The following SRBD1 variants were observed in gnomAD, a reference collection of about 807,000 sequenced individuals.
SRBD1 encodes the protein S1 RNA binding domain 1, also known as S1 RNA-binding domain-containing protein 1.
A neutral mutation model predicts 115.3 loss-of-function variants in SRBD1; 88 were observed. The ratio of observed to expected loss-of-function variants is 0.76; its 90% CI spans 0.64 to 0.91. SRBD1 has a LOEUF of 0.91. Ranked by LOEUF, SRBD1 falls within the 40% of genes least tolerant of loss-of-function variation. The pLI is 0.00. For missense variants in SRBD1, 1,385 were observed against 1,177.4 expected (o/e 1.18, Z -2.58); for synonymous variants, 509 against 407.7 (o/e 1.25, Z -2.99).
intron 1 of SRBD1, among the ~76,000 whole-genome samples, chr2:45,606,637 CTATT>C (rs879737101): frequency 1.3e-5 from 2 of 152,110 alleles, no homozygotes; most frequent in African/African-American, 2.4e-5. Flanking sequence ...TGACTAAAAA[CTATT>C]TACCAAATTC....
intron 16 of SRBD1, among the ~76,000 whole-genome samples, chr2:45,439,919 G>A (rs1011597146): frequency 1.4e-4 from 21 of 152,104 alleles, no homozygotes; most frequent in Non-Finnish European, 1.0e-4. Context: ...GCTAGTGGCC[G>A]GGGTGCAAAA....
intron 19 of SRBD1, among the ~76,000 whole-genome samples, chr2:45,403,158 G>A (rs1483394668): frequency 6.6e-6 from 1 of 152,170 alleles, no homozygotes; most frequent in Non-Finnish European, 1.5e-5. Context: ...GCTCTGTGAA[G>A]GCAAATGGGA....
chr2:45,403,053 T>C (rs1329709995), intron 19 of SRBD1, among the ~76,000 whole-genome samples: 2 of 152,166 alleles, frequency 1.3e-5, no homozygotes, highest in Non-Finnish European at 2.9e-5. Context: ...CATGACAGTT[T>C]CTGGATGATG....
chr2:45,605,365 T>C lies in SRBD1; in HGVS notation c.77A>G (p.Glu26Gly). Reference protein sequence around the residue: ...VLKDEFSSFSELSSASEEDDK... With the variant: ...VLKDEFSSFSGLSSASEEDDK... ...CATATTAAACCAGTATGCTTACAAC[T>C]CAGAGAATGAAGAAAATTCATCTTT... The change falls in exon 2 of 21, where the codon GAG (glutamate) becomes GGG (glycine). Residue 26 changes from glutamate (E) to glycine (G), a missense_variant. Transcript: ENST00000263736. 1 of 1,613,170 alleles carries C rather than the reference T, an allele frequency of 6.2e-7. No individual in the cohort carries two copies. Among genetic ancestry groups the C allele is most frequent in the Non-Finnish European group, 8.5e-7 (1 of 1,179,768 alleles).
intron 4 of SRBD1, among the ~76,000 whole-genome samples, 184 bp from the exon 5 acceptor site, chr2:45,585,958 G>A (rs568736080): frequency 6.6e-6 from 1 of 152,166 alleles, no homozygotes; most frequent in African/African-American, 2.4e-5. Flanking sequence ...TGGTAAAATA[G>A]CCATTTCACA....
intron 19 of SRBD1, among the ~76,000 whole-genome samples, chr2:45,408,161 C>T (rs570293132): frequency 6.6e-6 from 1 of 152,158 alleles, no homozygotes; most frequent in South Asian, 2.1e-4. Flanking sequence ...GAAATCAAAC[C>T]AATGATGACC....
At position 45,574,730 on chromosome 2, in the gene SRBD1, G is replaced by C. The variant is rs1449903656; in HGVS notation, c.1073-7C>G. Reference sequence around the variant, plus strand: ...TCCTGAAGCGTTGAAAGCCCTTTAGGAGAAGGGTAAAAAGGAAAACAAAAA... The same window carrying C: ...TCCTGAAGCGTTGAAAGCCCTTTAGCAGAAGGGTAAAAAGGAAAACAAAAA... On this transcript the variant is annotated splice_region_variant and splice_polypyrimidine_tract_variant and intron_variant, in intron 7 of 20. Transcript: ENST00000263736. The C allele has an allele frequency of 6.2e-7, 1 of 1,602,652 alleles. No individual in the cohort carries two copies. The highest frequency in any genetic ancestry group is 8.5e-7 in the Non-Finnish European group (1 of 1,176,692).
In SRBD1 at chr2:45,599,514, C is replaced by G; in HGVS notation, c.583G>C (p.Val195Leu). ...KTETYPQGQP[V>L]KFPANANSTK... ...CTATTGGCATTTGCTGGAAACTTGA[C>G]AGGCTGCCCCTGAGGATATGTCTCA... Residue 195 changes from valine (V) to leucine (L), a missense_variant, in exon 4 of 21, where the codon GTC becomes CTC. Coordinates refer to ENST00000263736, the MANE Select transcript of SRBD1 (RefSeq NM_018079.5). 6.2e-7 allele frequency: 1 copy of G among 1,614,222 alleles called. No individual in the cohort carries two copies. Among genetic ancestry groups the G allele is most frequent in the East Asian group, 2.2e-5 (1 of 44,892 alleles).
intron 16 of SRBD1, among the ~76,000 whole-genome samples, chr2:45,421,505 TCAAACAAAAAAAAAAAA>T (rs1668000657): frequency 1.5e-4 from 7 of 46,298 alleles, no homozygotes; most frequent in Non-Finnish European, 1.6e-4. Flanking sequence ...AGACTCCGTC[TCAAACAAAAAAAAAAAA>T]AAAAAAAAAA....
intron 10 of SRBD1, among the ~76,000 whole-genome samples, chr2:45,554,108 T>C (rs10439468): frequency 0.52 from 78,902 of 151,968 alleles, 20,961 homozygotes; most frequent in African/African-American, 0.56. Flanking sequence ...AAGATGGGGC[T>C]TTTGGGGGAT....
chr2:45,440,234 T>TAA (rs59843955), intron 16 of SRBD1, among the ~76,000 whole-genome samples: 1 of 152,132 alleles, frequency 6.6e-6, no homozygotes, highest in African/African-American at 2.4e-5. Flanking sequence ...ATCATGAAAC[T>TAA]AAAAAAATGA....
At chr2:45,576,739 C>T (rs1441998380) in intron 7 of SRBD1, among the ~76,000 whole-genome samples, 3 of 152,108 alleles carry the variant, frequency 2.0e-5, no homozygotes, top group African/African-American at 7.2e-5. Context: ...TTCCAAGTAT[C>T]CCAGAGCATC....
intron 19 of SRBD1, among the ~76,000 whole-genome samples, chr2:45,397,245 C>T (rs1213115669): frequency 6.6e-6 from 1 of 152,136 alleles, no homozygotes; most frequent in Non-Finnish European, 1.5e-5. Context: ...AACTGTGGGA[C>T]ATAAATGCAA....
At chr2:45,540,815 G>C (rs1426359706) in intron 14 of SRBD1, among the ~76,000 whole-genome samples, 1 of 152,174 alleles carries the variant, frequency 6.6e-6, no homozygotes, top group Admixed American at 6.5e-5. Context: ...ACCACAATGA[G>C]ATATCACTAC....
At chr2:45,481,448 T>A (rs1669960759) in intron 15 of SRBD1, among the ~76,000 whole-genome samples, 1 of 151,706 alleles carries the variant, frequency 6.6e-6, no homozygotes, top group Non-Finnish European at 1.5e-5. Context: ...AGAGGAAGAG[T>A]TATGGCCCAA....
Position 45,601,998 on chromosome 2 carries a change from G to C in SRBD1, c.166C>G (p.Pro56Ala). ...ATCCTCTTTGGTTTGGATTCCTTGG[G>C]AGGGGGCTGTTTACGGCTTCTGGGA... ...KVPRSRKQPP[P>A]KESKPKRMPR... The change falls in exon 3 of 21, where the codon CCC becomes GCC. Residue 56 changes from proline to alanine, a missense_variant. Pro to Ala is a conservative substitution (Grantham distance 27). Transcript: ENST00000263736. 6.2e-7 allele frequency: 1 copy of C among 1,614,224 alleles called. No homozygotes were observed. The highest frequency in any genetic ancestry group is 8.5e-7 in the Non-Finnish European group (1 of 1,180,034).
intron 14 of SRBD1, among the ~76,000 whole-genome samples, chr2:45,495,685 G>C (rs1234514537): frequency 6.6e-6 from 1 of 152,164 alleles, no homozygotes. Context: ...CTAGGCAAGA[G>C]GCAAGGGCCT....
chr2:45,468,234 G>A (rs1290292539), intron 16 of SRBD1, among the ~76,000 whole-genome samples: 5 of 151,932 alleles, frequency 3.3e-5, no homozygotes, highest in African/African-American at 1.2e-4. Context: ...TACATCTTAT[G>A]AGGTTTCTCC....
chr2:45,476,301 C>T (rs1179658889), intron 16 of SRBD1, among the ~76,000 whole-genome samples: 1 of 152,022 alleles, frequency 6.6e-6, no homozygotes. Flanking sequence ...GTCACAGATT[C>T]CATGACATAA....
Sources: allele counts gnomAD v4.1 joint callset (sites outside exome capture counted in the v4.1 genomes callset), GRCh38; gene constraint gnomAD v4.1.1; transcripts MANE v1.5; gene names NCBI Gene and HGNC (gene_info 2026-07-23, HGNC 2026-07-21).